Variants in YWHAG observed in about 807,000 individuals in gnomAD.
YWHAG encodes the protein 14-3-3 protein gamma.
YWHAG carries 1 observed loss-of-function variant against 23.3 expected under a neutral mutation model. That is an observed-to-expected ratio of 0.04 (90% CI 0.02 to 0.20). The LOEUF is 0.20. Among genes scored for constraint, YWHAG ranks in the 10% least tolerant of loss-of-function variants. The probability of loss-of-function intolerance (pLI) is 1.00; values close to 1 mark genes in which losing one functional copy is unlikely to be tolerated. For synonymous variants in YWHAG, 160 were observed against 144.0 expected (o/e 1.11, Z -0.80); for missense variants, 151 against 338.6 (o/e 0.45, Z 4.35).
In YWHAG at chr7:76,358,832, G is replaced by T. The variant is rs1302028188; in HGVS notation, c.-24C>A. ...ATCTTCGCGGGGCTGGGTCTGGCCGGAGAAGGAGGAGGACACTGGGGCGGC... is the reference window on the plus strand; with the variant it reads ...ATCTTCGCGGGGCTGGGTCTGGCCGTAGAAGGAGGAGGACACTGGGGCGGC... On this transcript the variant is annotated 5_prime_UTR_variant, in exon 1 of 2. Transcript: ENST00000307630. The T allele has an allele frequency of 1.3e-5, 21 of 1,581,364 alleles. No individual in the cohort carries two copies. The highest frequency in any genetic ancestry group is 1.7e-5 in the Non-Finnish European group (20 of 1,164,810).
chr7:76,330,290 TG>T, intron 1 of YWHAG, 57 bp from the exon 2 acceptor site: 1 of 1,541,762 alleles, frequency 6.5e-7, no homozygotes, highest in Non-Finnish European at 8.8e-7. Flanking sequence ...CTGGGTTAAC[TG>T]TATCTTTGAG....
chr7:76,354,207 G>A (rs13247572), intron 1 of YWHAG, among the ~76,000 whole-genome samples: 7,490 of 152,032 alleles, frequency 0.049, 248 homozygotes, highest in Middle Eastern at 0.071. Context: ...TTTGACTACC[G>A]AGCATAGAAA....
In YWHAG at chr7:76,358,974, C is replaced by G. The variant is rs886598283; in HGVS notation, c.-166G>C. 4 of 546,420 alleles carry G rather than the reference C, an allele frequency of 7.3e-6. No individual in the cohort carries two copies. Among genetic ancestry groups the G allele is most frequent in the African/African-American group, 2.0e-5 (1 of 50,342 alleles). The allele number at this position is 546,420 out of a possible 1,614,324, so 33.8% of individuals were successfully genotyped here. A position where few individuals can be genotyped will look rare whatever the true frequency, so the allele number is the denominator to read the frequency against. ...GCGGCTGGAGCTGCGACCGCGGGAC[C>G]GGGCGCGAGGCGGCTGCGGCTGCTG... On this transcript the variant is annotated 5_prime_UTR_variant, in exon 1 of 2. Coordinates refer to ENST00000307630, the MANE Select transcript of YWHAG (RefSeq NM_012479.4).
At chr7:76,337,137 A>C (rs751545205) in intron 1 of YWHAG, among the ~76,000 whole-genome samples, 4 of 152,238 alleles carry the variant, frequency 2.6e-5, no homozygotes, top group Admixed American at 6.5e-5. Flanking sequence ...CAGAAGAGTT[A>C]ACATAATAGG....
chr7:76,343,820 T>C (rs1046005305), intron 1 of YWHAG, among the ~76,000 whole-genome samples: 1 of 152,196 alleles, frequency 6.6e-6, no homozygotes, highest in African/African-American at 2.4e-5. Context: ...TGGGTTAACC[T>C]GGAGGTGAGA....
At chr7:76,338,341 T>C (rs1015929671) in intron 1 of YWHAG, among the ~76,000 whole-genome samples, 3 of 152,038 alleles carry the variant, frequency 2.0e-5, no homozygotes, top group Non-Finnish European at 4.4e-5. Flanking sequence ...CTCAGAGTCG[T>C]GAAATTTCTA....
intron 1 of YWHAG, among the ~76,000 whole-genome samples, chr7:76,348,685 T>C (rs1389158240): frequency 6.6e-6 from 1 of 151,090 alleles, no homozygotes; most frequent in East Asian, 2.0e-4. Context: ...ATTACAGGTG[T>C]GAGCCACCGC....
chr7:76,347,737 A>AT (rs1423546723), intron 1 of YWHAG, among the ~76,000 whole-genome samples: 3 of 152,188 alleles, frequency 2.0e-5, no homozygotes, highest in Admixed American at 2.0e-4. Context: ...ACATAAAACT[A>AT]TATTATTCTG....
intron 1 of YWHAG, among the ~76,000 whole-genome samples, chr7:76,344,899 G>A (rs1803753633): frequency 6.6e-6 from 1 of 152,112 alleles, no homozygotes; most frequent in South Asian, 2.1e-4. Flanking sequence ...GTTCCCTTCA[G>A]GCTTTAGTCC....
intron 1 of YWHAG, among the ~76,000 whole-genome samples, chr7:76,340,962 G>A (rs935268603): frequency 3.3e-5 from 5 of 152,192 alleles, no homozygotes; most frequent in South Asian, 2.1e-4. Context: ...CTGCAGCCTC[G>A]GGCTCAAGCA....
chr7:76,348,694 G>A (rs558304407), intron 1 of YWHAG, among the ~76,000 whole-genome samples: 6 of 150,562 alleles, frequency 4.0e-5, no homozygotes, highest in East Asian at 2.0e-4. Context: ...GTGAGCCACC[G>A]CGCCCGGCCT....
intron 1 of YWHAG, among the ~76,000 whole-genome samples, chr7:76,333,028 T>C (rs1209052973): frequency 6.6e-6 from 1 of 152,044 alleles, no homozygotes; most frequent in East Asian, 1.9e-4. Context: ...GGAAGTGCAG[T>C]GGCACTATCT....
chr7:76,345,192 T>G (rs1803758689), intron 1 of YWHAG, among the ~76,000 whole-genome samples: 1 of 151,368 alleles, frequency 6.6e-6, no homozygotes, highest in Non-Finnish European at 1.5e-5. Flanking sequence ...AGGCTTTTTT[T>G]TTTTTTTTTT....
In YWHAG at chr7:76,351,070, T is replaced by C. The variant is rs1019552021; in HGVS notation, c.87+7652A>G. The stretch of plus-strand genomic sequence containing the variant: ...GTGAAAAAAGCAAGGTGCAAAAGAA[T>C]ATAAACTGTAGAAAAAGACACGATG... On this transcript the variant is annotated intron_variant, in intron 1 of 1. Coordinates refer to ENST00000307630, the MANE Select transcript of YWHAG (RefSeq NM_012479.4). 2.0e-5 allele frequency among the ~76,000 whole-genome samples: 3 copies of C among 152,100 alleles called. No individual in the cohort carries two copies. The South Asian group carries it at 6.2e-4, about 32-fold the overall frequency.
At position 76,349,718 on chromosome 7, in the gene YWHAG, C is replaced by G. The variant is rs1046592037; in HGVS notation, c.87+9004G>C. Among the ~76,000 whole-genome samples, 3 of 152,152 alleles carry G rather than the reference C, an allele frequency of 2.0e-5. No individual in the cohort carries two copies. The East Asian group carries it at 5.8e-4, about 29-fold the overall frequency. On this transcript the variant is annotated intron_variant, in intron 1 of 1. Coordinates refer to ENST00000307630, the MANE Select transcript of YWHAG (RefSeq NM_012479.4). ...AGATCAAGTTCCAAACATCTGAAGT[C>G]TTTTTCTACATGGCCAGCAAACGAT...
chr7:76,336,686 C>T (rs58008403), intron 1 of YWHAG, among the ~76,000 whole-genome samples: 4,112 of 151,734 alleles, frequency 0.027, 196 homozygotes, highest in African/African-American at 0.093. Flanking sequence ...GAACTCCTGA[C>T]CTCAGGTGAT....
At position 76,352,506 on chromosome 7, in the gene YWHAG, C is replaced by T. The variant is rs1803890334; in HGVS notation, c.87+6216G>A. On this transcript the variant is annotated intron_variant, in intron 1 of 1. Transcript: ENST00000307630. Reference sequence around the variant, plus strand: ...AGCTGGGTACCTGGGTCCCACTCACCAAAATGGGCTTTCTCTCTCCAAAGA... The same window carrying T: ...AGCTGGGTACCTGGGTCCCACTCACTAAAATGGGCTTTCTCTCTCCAAAGA... Among the ~76,000 whole-genome samples the T allele has an allele frequency of 3.3e-5, 5 of 152,114 alleles. No homozygotes were observed. In the South Asian group the frequency reaches 1.0e-3, roughly 32 times the overall value.
At chr7:76,355,675 G>T (rs978090037) in intron 1 of YWHAG, among the ~76,000 whole-genome samples, 1 of 152,142 alleles carries the variant, frequency 6.6e-6, no homozygotes, top group Non-Finnish European at 1.5e-5. Flanking sequence ...GAAAGAATTT[G>T]AAAGTCTATT....
chr7:76,347,200 G>C (rs1490058818), intron 1 of YWHAG, among the ~76,000 whole-genome samples: 1 of 152,160 alleles, frequency 6.6e-6, no homozygotes, highest in African/African-American at 2.4e-5. Context: ...TGTTCAACAG[G>C]ACTCCCATCA....
Sources: allele counts gnomAD v4.1 joint callset (sites outside exome capture counted in the v4.1 genomes callset), GRCh38; gene constraint gnomAD v4.1.1; transcripts MANE v1.5; gene names NCBI Gene and HGNC (gene_info 2026-07-23, HGNC 2026-07-21).